The following RELN variants were observed in gnomAD, a reference collection of about 807,000 sequenced individuals.
The protein encoded by RELN is reelin.
Under a neutral mutation model 427.6 loss-of-function variants are expected in RELN, and 108 were observed. That is an observed-to-expected ratio of 0.25 (90% confidence interval 0.22 to 0.30). The LOEUF is 0.30. Among genes scored for constraint, RELN ranks in the 10% least tolerant of loss-of-function variants. The probability of loss-of-function intolerance (pLI) is 1.00; values close to 1 mark genes in which losing one functional copy is unlikely to be tolerated. For synonymous variants in RELN, 1,524 were observed against 1,513.4 expected (o/e 1.01, Z -0.16); for missense variants, 3,715 against 4,302.8 (o/e 0.86, Z 3.82).
In RELN at chr7:103,709,908, G is replaced by A. The variant is rs185791667; in HGVS notation, c.806-8902C>T. ...ATGGTCCCTATAAGACAAGGCAAAA[G>A]CAATAGAACATCAAATAAAGGGAAG... On this transcript the variant is annotated intron_variant, in intron 8 of 64. Coordinates refer to ENST00000428762, the MANE Select transcript of RELN (RefSeq NM_005045.4). Among the ~76,000 whole-genome samples the A allele has an allele frequency of 7.1e-3, 1,079 of 152,154 alleles. 11 individuals are homozygous for A. The highest frequency in any genetic ancestry group is 0.044 in the Middle Eastern group (13 of 294).
At chr7:103,805,752 A>G (rs572298385) in intron 3 of RELN, among the ~76,000 whole-genome samples, 1 of 152,332 alleles carries the variant, frequency 6.6e-6, no homozygotes, top group Admixed American at 6.5e-5. Context: ...CATTTTTAAA[A>G]TGAAGTATAA....
chr7:103,527,266 A>G (rs1584265960), intron 46 of RELN, among the ~76,000 whole-genome samples: 2 of 151,928 alleles, frequency 1.3e-5, no homozygotes, highest in Admixed American at 6.5e-5. Flanking sequence ...AATATTTTAA[A>G]CCTCTTCATC....
At chr7:103,499,993 A>G (rs755446801) in intron 53 of RELN, among the ~76,000 whole-genome samples, 2 of 152,202 alleles carry the variant, frequency 1.3e-5, no homozygotes, top group African/African-American at 2.4e-5. Context: ...GTTCAATTCC[A>G]TAGTTGAAGT....
chr7:103,763,056 C>G lies in RELN; in HGVS notation c.545-9842G>C, dbSNP rs144535974. ...TTATTCAGGAGAAGGACAGTTATTG[C>G]AGGTACACAGACTGTATAGAAGTTT... On this transcript the variant is annotated intron_variant, in intron 4 of 64. Transcript: ENST00000428762. Among the ~76,000 whole-genome samples the G allele has an allele frequency of 1.2e-3, 186 of 152,292 alleles. 1 individual carries two copies. Among genetic ancestry groups the G allele is most frequent in the Non-Finnish European group, 2.0e-3 (137 of 68,028 alleles).
intron 19 of RELN, among the ~76,000 whole-genome samples, chr7:103,630,498 A>C (rs1832428752): frequency 6.6e-6 from 1 of 152,178 alleles, no homozygotes; most frequent in African/African-American, 2.4e-5. Flanking sequence ...GCTGTTTGGA[A>C]CCAGGACACT....
Position 103,489,865 on chromosome 7 carries a change from C to T in RELN, c.9640G>A (p.Glu3214Lys). Residue 3214 changes from glutamate (E) to lysine (K), a missense_variant, in exon 60 of 65, where the codon GAA becomes AAA. By Grantham distance (56) the Glu-to-Lys change is moderately conservative. Transcript: ENST00000428762. ...ATTGCCCAGCTTTGCTTCTCAGTTTCTTCTCCCTTCTGGATCCAGCGGAAC... is the reference window on the plus strand; with the variant it reads ...ATTGCCCAGCTTTGCTTCTCAGTTTTTTCTCCCTTCTGGATCCAGCGGAAC... ...TQFRWIQKGE[E>K]TEKQSWAIDH... The T allele has an allele frequency of 6.2e-7, 1 of 1,614,202 alleles. No homozygotes were observed. Among genetic ancestry groups the T allele is most frequent in the East Asian group, 2.2e-5 (1 of 44,876 alleles).
chr7:103,884,653 A>G (rs576372466), intron 2 of RELN, among the ~76,000 whole-genome samples: 2 of 152,370 alleles, frequency 1.3e-5, no homozygotes, highest in South Asian at 2.1e-4. Context: ...AAAAGAAGAC[A>G]TTTATGCACC....
intron 24 of RELN, 59 bp from the exon 25 acceptor site, chr7:103,596,720 G>T: frequency 1.4e-6 from 2 of 1,458,272 alleles, no homozygotes; most frequent in South Asian, 1.2e-5. Context: ...GCATTTTGTT[G>T]TTTCAGTTCC....
rs370256741 is a variant in RELN at position 103,961,437 on chromosome 7, TAAAC to T, written c.226+27690_226+27693del. ...ATCATTTATATTTTTCAGCAACTAA[TAAAC>T]AAGAAAACGGGCAAGACAATACTAA... On this transcript the variant is annotated intron_variant, in intron 1 of 64. Coordinates refer to ENST00000428762, the MANE Select transcript of RELN (RefSeq NM_005045.4). Among the ~76,000 whole-genome samples the T allele has an allele frequency of 9.5e-3, 1,449 of 152,222 alleles. 24 individuals are homozygous for T. The highest frequency in any genetic ancestry group is 0.033 in the African/African-American group (1,372 of 41,522).
chr7:103,825,643 C>T (rs140881088), intron 3 of RELN, among the ~76,000 whole-genome samples: 1,532 of 152,112 alleles, frequency 0.01, 9 homozygotes, highest in Admixed American at 0.015. Context: ...AACAGATTAT[C>T]GAATCTTGTG....
chr7:103,892,087 C>A (rs915095660), intron 2 of RELN, among the ~76,000 whole-genome samples: 1 of 152,234 alleles, frequency 6.6e-6, no homozygotes, highest in South Asian at 2.1e-4. Flanking sequence ...AGCCATACAA[C>A]TATTTTTCAC....
chr7:103,578,556 T>C (rs1831055165), intron 28 of RELN, among the ~76,000 whole-genome samples: 1 of 152,214 alleles, frequency 6.6e-6, no homozygotes, highest in African/African-American at 2.4e-5. Flanking sequence ...TTTTGCTTCA[T>C]TTCCATTTCT....
chr7:103,906,546 TC>T (rs1795209400), intron 2 of RELN, among the ~76,000 whole-genome samples: 1 of 146,816 alleles, frequency 6.8e-6, no homozygotes, highest in Non-Finnish European at 1.5e-5. Context: ...TCTCTCTCTC[TC>T]CTCCTCTCTC....
chr7:103,828,715 TC>T (rs1392461577), intron 3 of RELN, among the ~76,000 whole-genome samples: 2 of 151,938 alleles, frequency 1.3e-5, no homozygotes, highest in African/African-American at 4.8e-5. Flanking sequence ...CATATCAAGA[TC>T]AAACCCATGT....
intron 41 of RELN, among the ~76,000 whole-genome samples, chr7:103,549,612 T>C (rs1830369818): frequency 6.6e-6 from 1 of 152,152 alleles, no homozygotes; most frequent in South Asian, 2.1e-4. Context: ...TAGGTTCAGA[T>C]TTGAAAATTT....
intron 1 of RELN, among the ~76,000 whole-genome samples, chr7:103,981,146 TG>T (rs1282669481): frequency 2.0e-5 from 3 of 152,218 alleles, no homozygotes; most frequent in Non-Finnish European, 2.9e-5. Context: ...GAGCCAGATG[TG>T]ACAAACAAGG....
intron 2 of RELN, among the ~76,000 whole-genome samples, chr7:103,836,776 C>A (rs775013279): frequency 5.8e-4 from 88 of 152,192 alleles, no homozygotes; most frequent in Non-Finnish European, 3.8e-4. Flanking sequence ...GGTAGCTACT[C>A]CTATGGGTCC....
intron 20 of RELN, among the ~76,000 whole-genome samples, chr7:103,614,555 A>G (rs570824729): frequency 1.1e-3 from 174 of 152,308 alleles, no homozygotes; most frequent in Non-Finnish European, 1.6e-3. Flanking sequence ...ATTATTAGAT[A>G]AAGACCTCTC....
chr7:103,708,237 C>G (rs1834247773), intron 8 of RELN, among the ~76,000 whole-genome samples: 1 of 152,078 alleles, frequency 6.6e-6, no homozygotes, highest in South Asian at 2.1e-4. Context: ...AATGAGTCGA[C>G]CAACTATTAA....
Sources: gnomAD v4.1 joint callset for allele counts (sites outside exome capture counted in the v4.1 genomes callset) on GRCh38, gnomAD v4.1.1 for gene constraint, MANE v1.5 for transcripts, NCBI Gene and HGNC (gene_info 2026-07-23, HGNC 2026-07-21) for gene names.